The following NMNAT2 variants were observed in gnomAD, a reference collection of about 807,000 sequenced individuals.
NMNAT2 encodes nicotinamide/nicotinic acid mononucleotide adenylyltransferase 2.
A neutral mutation model predicts 41.6 loss-of-function variants in NMNAT2; 11 were observed. The observed-to-expected ratio is 0.26, with a 90% CI of 0.17 to 0.44. The LOEUF (loss-of-function observed/expected upper bound fraction) is 0.44. Among genes scored for constraint, NMNAT2 ranks in the 20% least tolerant of loss-of-function variants. NMNAT2 has a pLI of 1.00. For synonymous variants in NMNAT2, 148 were observed against 151.2 expected (o/e 0.98, Z 0.16); for missense variants, 288 against 407.7 (o/e 0.71, Z 2.53).
chr1:183,276,256 AG>A (rs2102295080), intron 8 of NMNAT2, among the ~76,000 whole-genome samples: 1 of 152,272 alleles, frequency 6.6e-6, no homozygotes, highest in African/African-American at 2.4e-5. Flanking sequence ...TGACCCAGTG[AG>A]TTCACTCCAC....
At chr1:183,300,814 T>G (rs1026005397) in intron 1 of NMNAT2, among the ~76,000 whole-genome samples, 2 of 152,252 alleles carry the variant, frequency 1.3e-5, no homozygotes, top group East Asian at 3.8e-4. Context: ...TTTCTGTTCA[T>G]ACCTTTCCAG....
intron 7 of NMNAT2, among the ~76,000 whole-genome samples, chr1:183,280,550 G>A (rs1357983700): frequency 2.6e-5 from 4 of 151,686 alleles, no homozygotes; most frequent in Non-Finnish European, 5.9e-5. Context: ...ACCACACCTG[G>A]CTAATTTTTG....
chr1:183,301,011 G>A (rs1486384328), intron 1 of NMNAT2, among the ~76,000 whole-genome samples: 2 of 152,166 alleles, frequency 1.3e-5, no homozygotes, highest in Non-Finnish European at 2.9e-5. Flanking sequence ...AGATAAGTGG[G>A]GCAGGATTGT....
chr1:183,345,639 C>T (rs187553916), intron 1 of NMNAT2, among the ~76,000 whole-genome samples: 1 of 152,168 alleles, frequency 6.6e-6, no homozygotes, highest in Non-Finnish European at 1.5e-5. Context: ...TGCGGCCCCT[C>T]GACCTGGGAC....
rs187354623 is a variant in NMNAT2, at chr1:183,318,127, T to A, written c.86-24334A>T. On this transcript the variant is annotated intron_variant, in intron 1 of 10. Transcript: ENST00000287713. ...GAAGCTCTGAGTTCCACTGACACAG[T>A]GGGAAATTGGGCTTCGACTCCCAGA... 5.9e-5 allele frequency among the ~76,000 whole-genome samples: 9 copies of A among 152,188 alleles called. No homozygotes were observed. In the East Asian group the frequency reaches 1.7e-3, roughly 29 times the overall value.
chr1:183,289,127 A>G (rs181900902), intron 4 of NMNAT2, among the ~76,000 whole-genome samples: 2 of 152,358 alleles, frequency 1.3e-5, no homozygotes, highest in Admixed American at 1.3e-4. Flanking sequence ...CTCCCCAGGA[A>G]GAACGTGGTG....
intron 1 of NMNAT2, among the ~76,000 whole-genome samples, chr1:183,361,911 G>C (rs563023104): frequency 2.0e-5 from 3 of 152,140 alleles, no homozygotes; most frequent in Admixed American, 6.6e-5. Flanking sequence ...CAGCCCTCTG[G>C]TCTCAGATGC....
chr1:183,403,224 G>A (rs968886278), intron 1 of NMNAT2, among the ~76,000 whole-genome samples: 4 of 152,126 alleles, frequency 2.6e-5, no homozygotes, highest in Admixed American at 1.3e-4. Flanking sequence ...ATGAGCCACT[G>A]CACCCGGCCA....
chr1:183,286,717 G>A lies in NMNAT2; in HGVS notation c.393C>T (p.Asn131=), dbSNP rs748028043. 2.4e-5 allele frequency: 39 copies of A among 1,612,418 alleles called. No homozygotes were observed. The highest frequency in any genetic ancestry group is 3.1e-5 in the Non-Finnish European group (37 of 1,179,392). The change falls in exon 5 of 11, where the codon AAC becomes AAT. Residue 131 remains asparagine, a synonymous_variant. Coordinates refer to ENST00000287713, the MANE Select transcript of NMNAT2 (RefSeq NM_015039.4). Reference sequence around the variant, plus strand: ...TCTGGTAAATGGGCTGGGGGGTCTCGTTTTGTGGCTGTCCGATCACAGGTG... The same window carrying A: ...TCTGGTAAATGGGCTGGGGGGTCTCATTTTGTGGCTGTCCGATCACAGGTG... The part of the protein sequence containing the change: ...SMTPVIGQPQ[N]ETPQPIYQNS...
Position 183,250,525 on chromosome 1 carries a change from G to A in NMNAT2, c.*2116C>T, listed in dbSNP as rs1454874580. The A allele has an allele frequency of 5.2e-5, 8 of 152,720 alleles. No homozygotes were observed. In the South Asian group the frequency reaches 8.3e-4, roughly 16 times the overall value. The allele number at this position is 152,720 out of a possible 1,614,324, so 9.5% of individuals were successfully genotyped here. A position where few individuals can be genotyped will look rare whatever the true frequency, so the allele number is the denominator to read the frequency against. On this transcript the variant is annotated 3_prime_UTR_variant, in exon 11 of 11. Transcript: ENST00000287713. ...CTGGTCAGCAACATGAGGAAATGGAGGGTGTGGTGTGACGGCCTAGGGGTC... is the reference window on the plus strand; with the variant it reads ...CTGGTCAGCAACATGAGGAAATGGAAGGTGTGGTGTGACGGCCTAGGGGTC...
intron 1 of NMNAT2, among the ~76,000 whole-genome samples, chr1:183,371,429 G>A (rs1051718527): frequency 6.6e-6 from 1 of 152,192 alleles, no homozygotes; most frequent in African/African-American, 2.4e-5. Context: ...ACCATAGGAT[G>A]CACAACACCC....
intron 1 of NMNAT2, among the ~76,000 whole-genome samples, chr1:183,370,245 C>CAA (rs2102365666): frequency 6.8e-6 from 1 of 146,964 alleles, no homozygotes; most frequent in East Asian, 2.0e-4. Context: ...CACACACACA[C>CAA]ACACACACAC....
intron 1 of NMNAT2, among the ~76,000 whole-genome samples, chr1:183,322,134 T>C (rs1009857489): frequency 1.4e-4 from 22 of 152,144 alleles, no homozygotes; most frequent in Admixed American, 2.6e-4. Context: ...CTGGGCTAGA[T>C]ATTTGGATGC....
intron 1 of NMNAT2, among the ~76,000 whole-genome samples, chr1:183,330,786 G>A (rs568244193): frequency 4.6e-5 from 7 of 152,274 alleles, no homozygotes; most frequent in African/African-American, 9.6e-5. Context: ...CAGAATCAGC[G>A]AGGTGAATTC....
At chr1:183,286,479 T>G (rs1359062302) in intron 5 of NMNAT2, among the ~76,000 whole-genome samples, 183 bp downstream of exon 5, 7 of 152,156 alleles carry the variant, frequency 4.6e-5, no homozygotes, top group African/African-American at 1.7e-4. Context: ...TGCTCAGTAT[T>G]CAGGGTCCTC....
chr1:183,413,510 A>C (rs866530482), intron 1 of NMNAT2, among the ~76,000 whole-genome samples: 1 of 151,514 alleles, frequency 6.6e-6, no homozygotes, highest in African/African-American at 2.4e-5. Context: ...GAAAATGATT[A>C]TAGTAGATCT....
At chr1:183,396,306 T>C (rs1648648370) in intron 1 of NMNAT2, among the ~76,000 whole-genome samples, 1 of 152,032 alleles carries the variant, frequency 6.6e-6, no homozygotes. Context: ...CAGGTGATGG[T>C]CAGGCGGTTG....
intron 5 of NMNAT2, among the ~76,000 whole-genome samples, chr1:183,286,309 C>G (rs1216523285): frequency 6.6e-6 from 1 of 152,136 alleles, no homozygotes; most frequent in East Asian, 1.9e-4. Context: ...CCAGGCTACT[C>G]TCAAACTCCT....
At chr1:183,323,452 T>A (rs1662397812) in intron 1 of NMNAT2, among the ~76,000 whole-genome samples, 2 of 152,208 alleles carry the variant, frequency 1.3e-5, no homozygotes, top group South Asian at 4.1e-4. Context: ...AGTGACCCTA[T>A]GTCTTGTTTG....
Sources: allele counts gnomAD v4.1 joint callset (sites outside exome capture counted in the v4.1 genomes callset), GRCh38; gene constraint gnomAD v4.1.1; transcripts MANE v1.5; gene names NCBI Gene and HGNC (gene_info 2026-07-23, HGNC 2026-07-21).